The following PNKD variants were observed in gnomAD, a reference collection of about 807,000 sequenced individuals.
PNKD encodes PNKD metallo-beta-lactamase domain containing, also known as probable thioesterase PNKD.
In PNKD, 36 loss-of-function variants were observed where a neutral mutation model predicts 45.3. The observed-to-expected ratio is 0.80, with a 90% CI of 0.61 to 1.05. The LOEUF is 1.05. PNKD is among the 50% of genes least tolerant of loss of function. PNKD has a pLI of 0.00. For synonymous variants in PNKD, 197 were observed against 210.1 expected (o/e 0.94, Z 0.54); for missense variants, 511 against 506.6 (o/e 1.01, Z -0.08).
chr2:218,291,158 A>G (rs1692902653), intron 2 of PNKD, among the ~76,000 whole-genome samples: 1 of 152,140 alleles, frequency 6.6e-6, no homozygotes, highest in Non-Finnish European at 1.5e-5. Context: ...CAACACTTAC[A>G]GGATAACCCA....
At chr2:218,343,727 A>T (rs1032017259) in intron 8 of PNKD, 141 bp downstream of exon 8, 6 of 692,454 alleles carry the variant, frequency 8.7e-6, no homozygotes, top group Non-Finnish European at 1.6e-5. Context: ...CTCTAGGGGT[A>T]GGGACAGAGT....
intron 2 of PNKD, among the ~76,000 whole-genome samples, chr2:218,288,425 T>C (rs1394488489): frequency 6.6e-6 from 1 of 151,894 alleles, no homozygotes; most frequent in Non-Finnish European, 1.5e-5. Context: ...GGAGACTCTG[T>C]CTCAAAAAAT....
chr2:218,328,363 C>T (rs1694217174), intron 2 of PNKD, among the ~76,000 whole-genome samples: 1 of 152,208 alleles, frequency 6.6e-6, no homozygotes, highest in Non-Finnish European at 1.5e-5. Context: ...GACCACCTCA[C>T]ATAAAAATAG....
chr2:218,323,996 C>G (rs1694069573), intron 2 of PNKD, among the ~76,000 whole-genome samples: 1 of 152,224 alleles, frequency 6.6e-6, no homozygotes, highest in African/African-American at 2.4e-5. Flanking sequence ...CCCTTTCCTT[C>G]TAACCAAAGC....
chr2:218,279,206 G>A (rs2106199745), intron 2 of PNKD: 1 of 1,563,994 alleles, frequency 6.4e-7, no homozygotes, highest in African/African-American at 1.4e-5. Flanking sequence ...CCTGAGAGCA[G>A]GGCCCACCGC....
intron 2 of PNKD, chr2:218,282,259 T>G: frequency 1.2e-6 from 1 of 826,110 alleles, no homozygotes; most frequent in Non-Finnish European, 1.8e-6. Context: ...CTTCCAGCCT[T>G]GTCCAGGCTG....
At chr2:218,318,950 CTTT>C (rs769001811) in intron 2 of PNKD, among the ~76,000 whole-genome samples, 2 of 99,900 alleles carry the variant, frequency 2.0e-5, no homozygotes, top group Admixed American at 1.1e-4. Flanking sequence ...TTTTTTTTTT[CTTT>C]TTTTTTTTTT....
At chr2:218,279,503 AG>A (rs1691638677) in intron 2 of PNKD, 2 of 614,576 alleles carry the variant, frequency 3.3e-6, no homozygotes, top group Non-Finnish European at 5.5e-6. Context: ...CCTGGCTCAG[AG>A]GCAATGTGCA....
chr2:218,323,341 T>A, intron 2 of PNKD: 2 of 1,581,166 alleles, frequency 1.3e-6, no homozygotes, highest in East Asian at 4.8e-5. Flanking sequence ...CTTGTCCTCG[T>A]CCTACTTGTG....
intron 2 of PNKD, among the ~76,000 whole-genome samples, chr2:218,331,615 G>GC (rs1259669884): frequency 6.6e-6 from 1 of 151,986 alleles, no homozygotes; most frequent in Non-Finnish European, 1.5e-5. Flanking sequence ...TTACAGGCTT[G>GC]CACCATCATG....
intron 2 of PNKD, among the ~76,000 whole-genome samples, chr2:218,319,024 G>A (rs1478157387): frequency 7.6e-6 from 1 of 130,800 alleles, no homozygotes; most frequent in Non-Finnish European, 1.5e-5. Flanking sequence ...GTATGATCTC[G>A]GTTCACTGTA....
chr2:218,274,878 T>A (rs536393381), intron 2 of PNKD: 1 of 153,258 alleles, frequency 6.5e-6, no homozygotes, highest in South Asian at 2.1e-4. Flanking sequence ...CTAACCCAGA[T>A]AAACAATACA....
intron 2 of PNKD, chr2:218,282,072 CA>C (rs778162949): frequency 1.5e-5 from 23 of 1,582,704 alleles, no homozygotes; most frequent in Non-Finnish European, 2.0e-5. Context: ...CCATAGCCCC[CA>C]GGGGGCGGAG....
At chr2:218,278,348 A>G (rs1691470471) in intron 2 of PNKD, 1 of 703,748 alleles carries the variant, frequency 1.4e-6, no homozygotes. Context: ...TCCTAAACAC[A>G]CATGGTCCTT....
At chr2:218,328,497 G>A (rs1694220324) in intron 2 of PNKD, among the ~76,000 whole-genome samples, 1 of 152,110 alleles carries the variant, frequency 6.6e-6, no homozygotes, top group Non-Finnish European at 1.5e-5. Flanking sequence ...CTACACAGGG[G>A]GAGAAACTTT....
chr2:218,288,224 C>G (rs1407243522), intron 2 of PNKD, among the ~76,000 whole-genome samples: 1 of 152,120 alleles, frequency 6.6e-6, no homozygotes, highest in East Asian at 1.9e-4. Context: ...GTCAGGAGAT[C>G]GAGACCATCC....
chr2:218,298,248 T>C (rs1024142316), intron 2 of PNKD, among the ~76,000 whole-genome samples: 1 of 152,180 alleles, frequency 6.6e-6, no homozygotes, highest in African/African-American at 2.4e-5. Flanking sequence ...TCCCTGACCC[T>C]CAGAGTCACC....
At position 218,326,413 on chromosome 2, in the gene PNKD, C is replaced by G. The variant is rs1375724781; in HGVS notation, c.237-13370C>G. On this transcript the variant is annotated intron_variant, in intron 2 of 9. Transcript: ENST00000273077. This position sits in a 1 kb window ranked among gnomAD's most constrained non-coding sequence, Gnocchi z 4.1. ...GTGTGGATTGTAGCAAAGCACACAG[C>G]ATGTGGGGTCGAACAAATCTGCTTT... 2.6e-5 allele frequency among the ~76,000 whole-genome samples: 4 copies of G among 152,148 alleles called. No homozygotes were observed. Among genetic ancestry groups the G allele is most frequent in the African/African-American group, 7.2e-5 (3 of 41,416 alleles).
intron 2 of PNKD, among the ~76,000 whole-genome samples, chr2:218,339,104 A>G (rs564191303): frequency 6.6e-6 from 1 of 151,348 alleles, no homozygotes; most frequent in African/African-American, 2.4e-5. Flanking sequence ...CCTTCTTCAG[A>G]TGATTAGGAT....
Sources: allele counts gnomAD v4.1 joint callset (sites outside exome capture counted in the v4.1 genomes callset), GRCh38; gene constraint gnomAD v4.1.1; non-coding constraint Gnocchi (gnomAD v3.1); transcripts MANE v1.5; gene names NCBI Gene and HGNC (gene_info 2026-07-23, HGNC 2026-07-21).